The following EXT1 variants were observed in gnomAD, a reference collection of about 807,000 sequenced individuals.
EXT1 encodes the protein exostosin glycosyltransferase 1, also known as exostosin-1.
In EXT1, 20 loss-of-function variants were observed where a neutral mutation model predicts 82.5. The ratio of observed to expected loss-of-function variants is 0.24; its 90% confidence interval spans 0.17 to 0.35. The LOEUF is 0.35. Among genes scored for constraint, EXT1 ranks in the 10% least tolerant of loss-of-function variants. EXT1 has a pLI of 1.00. For synonymous variants in EXT1, 348 were observed against 350.8 expected (o/e 0.99, Z 0.09); for missense variants, 757 against 936.5 (o/e 0.81, Z 2.50).
intron 1 of EXT1, among the ~76,000 whole-genome samples, chr8:117,873,043 C>A (rs1812901576): frequency 6.6e-6 from 1 of 152,068 alleles, no homozygotes; most frequent in South Asian, 2.1e-4. Context: ...TGATGTGGAG[C>A]TTTTGGGAAG....
intron 1 of EXT1, among the ~76,000 whole-genome samples, chr8:118,039,557 CAAAAAAAAAAA>C (rs71307422): frequency 3.7e-5 from 3 of 82,100 alleles, no homozygotes; most frequent in South Asian, 9.7e-4. Context: ...GACTCCGTCA[CAAAAAAAAAAA>C]AAAAAAAAAA....
At chr8:117,907,582 T>C (rs1304364019) in intron 1 of EXT1, among the ~76,000 whole-genome samples, 1 of 152,220 alleles carries the variant, frequency 6.6e-6, no homozygotes, top group Non-Finnish European at 1.5e-5. Flanking sequence ...GTTCCATTAA[T>C]TGTTAATAAT....
At chr8:118,079,859 G>C (rs1022855182) in intron 1 of EXT1, among the ~76,000 whole-genome samples, 3 of 152,138 alleles carry the variant, frequency 2.0e-5, no homozygotes, top group African/African-American at 7.2e-5. Context: ...GATTTACTTG[G>C]AAATAAGAAA....
rs1441820398 is a variant in EXT1 at position 117,830,330 on chromosome 8, G to C, written c.1184C>G (p.Ser395Cys). The C allele has an allele frequency of 8.1e-6, 13 of 1,613,898 alleles. No homozygotes were observed. The highest frequency in any genetic ancestry group is 1.1e-5 in the Non-Finnish European group (13 of 1,179,946). ...TGCTAGGATTTTATCCTGATGAATAGACCTGATTGTAGAAGGAATCTGTAA... is the reference window on the plus strand; with the variant it reads ...TGCTAGGATTTTATCCTGATGAATACACCTGATTGTAGAAGGAATCTGTAA... ...LLLQIPSTIR[S>C]IHQDKILALR... Residue 395 changes from serine (S) to cysteine (C), a missense_variant, in exon 4 of 11, where the codon TCT becomes TGT. Physicochemically the swap from Ser to Cys is moderately radical, Grantham distance 112. This residue lies in a region of EXT1 where 207 missense variants were observed against 224.2 expected (regional missense o/e 0.92). Coordinates refer to ENST00000378204, the MANE Select transcript of EXT1 (RefSeq NM_000127.3).
intron 1 of EXT1, among the ~76,000 whole-genome samples, chr8:117,860,288 G>A (rs779746438): frequency 1.3e-5 from 2 of 152,050 alleles, no homozygotes; most frequent in Non-Finnish European, 2.9e-5. Flanking sequence ...CTCAGAAGTG[G>A]GAGCTCAACA....
At chr8:118,083,417 T>A (rs1817365621) in intron 1 of EXT1, among the ~76,000 whole-genome samples, 1 of 152,234 alleles carries the variant, frequency 6.6e-6, no homozygotes, top group Admixed American at 6.5e-5. Flanking sequence ...ATGTGGCTAA[T>A]CACCCACCAG....
intron 1 of EXT1, among the ~76,000 whole-genome samples, chr8:117,985,108 G>A (rs1368886100): frequency 2.0e-5 from 3 of 152,054 alleles, no homozygotes; most frequent in African/African-American, 7.2e-5. Flanking sequence ...ACTCTGTGGC[G>A]ACTCTTTGAA....
At chr8:117,875,889 G>C (rs1812961321) in intron 1 of EXT1, among the ~76,000 whole-genome samples, 1 of 152,168 alleles carries the variant, frequency 6.6e-6, no homozygotes, top group Admixed American at 6.5e-5. Context: ...GGTAGAACCA[G>C]TTTCTAAATT....
intron 1 of EXT1, among the ~76,000 whole-genome samples, chr8:117,850,541 A>T (rs1486511987): frequency 6.6e-6 from 1 of 152,214 alleles, no homozygotes; most frequent in Non-Finnish European, 1.5e-5. Flanking sequence ...TTGATTTCAC[A>T]GGTGTTTAAT....
intron 1 of EXT1, among the ~76,000 whole-genome samples, chr8:118,078,254 A>AGT (rs1205597600): frequency 6.6e-6 from 1 of 152,218 alleles, no homozygotes; most frequent in African/African-American, 2.4e-5. Context: ...GTTGGCGTGC[A>AGT]GTGGCACAAT....
Position 118,036,908 on chromosome 8 carries a change from C to T in EXT1, c.962+73177G>A, listed in dbSNP as rs59581549. On this transcript the variant is annotated intron_variant, in intron 1 of 10. Transcript: ENST00000378204. ...CTTTATCTTATTCTCTTTTTCTTTT[C>T]TTCCCCAGTGTCCCAAATTTGCTTT... is the stretch of plus-strand genomic sequence containing the variant. Among the ~76,000 whole-genome samples, 1,484 of 152,148 alleles carry T rather than the reference C, an allele frequency of 9.8e-3. 22 individuals are homozygous for T. Among genetic ancestry groups the T allele is most frequent in the African/African-American group, 0.033 (1,373 of 41,506 alleles).
chr8:117,848,632 C>T lies in EXT1; in HGVS notation c.963-11431G>A, dbSNP rs191715687. Among the ~76,000 whole-genome samples the T allele has an allele frequency of 2.3e-4, 35 of 152,248 alleles. No individual in the cohort carries two copies. In the East Asian group the frequency reaches 6.2e-3, roughly 27 times the overall value. On this transcript the variant is annotated intron_variant, in intron 1 of 10. Coordinates refer to ENST00000378204, the MANE Select transcript of EXT1 (RefSeq NM_000127.3). ...CCTACATGTCAGGTAGCACTCTGAG[C>T]ACTGGGACGCCATGAAGCAAGAGTA... is the stretch of plus-strand genomic sequence containing the variant.
At chr8:117,965,127 G>T (rs1035173481) in intron 1 of EXT1, among the ~76,000 whole-genome samples, 1 of 151,956 alleles carries the variant, frequency 6.6e-6, no homozygotes, top group African/African-American at 2.4e-5. Flanking sequence ...GTAGTGTCTT[G>T]TTTTTTTGTT....
chr8:117,933,882 G>T (rs1163364165), intron 1 of EXT1, among the ~76,000 whole-genome samples: 1 of 152,094 alleles, frequency 6.6e-6, no homozygotes, highest in African/African-American at 2.4e-5. Flanking sequence ...GCTCACAGGG[G>T]TCCCTAGTGG....
intron 1 of EXT1, among the ~76,000 whole-genome samples, chr8:117,908,296 CT>C (rs1271856584): frequency 6.6e-6 from 1 of 152,096 alleles, no homozygotes; most frequent in Non-Finnish European, 1.5e-5. Context: ...ACAAATCAGT[CT>C]CTTAAAAACT....
At chr8:118,021,161 G>C (rs920026351) in intron 1 of EXT1, among the ~76,000 whole-genome samples, 1 of 152,174 alleles carries the variant, frequency 6.6e-6, no homozygotes, top group Non-Finnish European at 1.5e-5. Context: ...TTTTAAAAGA[G>C]GGAGGCTTTA....
At chr8:117,863,790 G>T (rs1812726996) in intron 1 of EXT1, among the ~76,000 whole-genome samples, 1 of 152,184 alleles carries the variant, frequency 6.6e-6, no homozygotes, top group African/African-American at 2.4e-5. Context: ...GGGTGAGGAA[G>T]AAGGTGGAAG....
intron 1 of EXT1, among the ~76,000 whole-genome samples, chr8:117,943,490 A>G (rs926176494): frequency 2.0e-5 from 3 of 152,270 alleles, no homozygotes; most frequent in African/African-American, 7.2e-5. Flanking sequence ...TGTTTATACA[A>G]GTATATTCAG....
At chr8:117,926,886 G>C (rs1813962627) in intron 1 of EXT1, among the ~76,000 whole-genome samples, 1 of 152,186 alleles carries the variant, frequency 6.6e-6, no homozygotes, top group Admixed American at 6.5e-5. Flanking sequence ...TTAAAGGTCT[G>C]CTAAAAATTC....
Sources: gnomAD v4.1 joint callset for allele counts (sites outside exome capture counted in the v4.1 genomes callset) on GRCh38, gnomAD v4.1.1 for gene constraint, gnomAD v4.1.1 regional missense constraint, MANE v1.5 for transcripts, NCBI Gene and HGNC (gene_info 2026-07-23, HGNC 2026-07-21) for gene names.